The following ACOT9 variants were observed in gnomAD, a reference collection of about 807,000 sequenced individuals.
ACOT9 encodes the protein acyl-coenzyme A thioesterase 9, mitochondrial.
A neutral mutation model predicts 39.7 loss-of-function variants in ACOT9; 34 were observed. The observed-to-expected ratio is 0.86, with a 90% CI of 0.65 to 1.14. The LOEUF (loss-of-function observed/expected upper bound fraction) is 1.14, where lower values mean the gene tolerates loss of function less well. Among genes scored for constraint, ACOT9 ranks in the 50% most tolerant of loss-of-function variants. The probability of loss-of-function intolerance (pLI) is 0.00; values close to 1 mark genes in which losing one functional copy is unlikely to be tolerated. For missense variants in ACOT9, 313 were observed against 344.1 expected, an observed-to-expected ratio of 0.91 and a Z score of 0.71; for synonymous variants, 110 against 120.5, an observed-to-expected ratio of 0.91 and a Z score of 0.57.
intron 8 of ACOT9, among the ~76,000 whole-genome samples, chrX:23,720,411 G>C (rs1199813951): frequency 9.0e-6 from 1 of 111,523 alleles, no homozygotes; most frequent in Non-Finnish European, 1.9e-5. Context: ...AGTCGTTGCA[G>C]ACATAATTAG....
In ACOT9 at chrX:23,701,385, A is replaced by G. The variant is rs1185067901; in HGVS notation, c.*2509T>C. ...TGCTTGATTCCATGAGTCAAACTGC[A>G]TGCTTCCAAGAGATAGTTGTGTTCG... On this transcript the variant is annotated 3_prime_UTR_variant, in exon 16 of 16. Coordinates refer to ENST00000379303, the MANE Select transcript of ACOT9 (RefSeq NM_001037171.2). 8.9e-6 allele frequency among the ~76,000 whole-genome samples: 1 copy of G among 111,790 alleles called. No homozygotes were observed. Among genetic ancestry groups the G allele is most frequent in the East Asian group, 2.8e-4 (1 of 3,564 alleles).
intron 9 of ACOT9, among the ~76,000 whole-genome samples, chrX:23,712,639 G>A (rs145166258): frequency 0.038 from 4,166 of 110,871 alleles, 202 homozygotes; most frequent in African/African-American, 0.13. Context: ...TTGTTGTTTT[G>A]AGATGGAGTC....
At chrX:23,724,642 G>T (rs932590985) in intron 6 of ACOT9, among the ~76,000 whole-genome samples, 1 of 111,147 alleles carries the variant, frequency 9.0e-6, no homozygotes, top group Admixed American at 9.6e-5. Flanking sequence ...GCATGGTGGC[G>T]TGTGCCTGTG....
At chrX:23,714,586 G>A (rs1929014542) in intron 8 of ACOT9, among the ~76,000 whole-genome samples, 2 of 111,374 alleles carry the variant, frequency 1.8e-5, no homozygotes, top group African/African-American at 6.5e-5. Context: ...TACTCAACCT[G>A]TATTTACAAT....
intron 8 of ACOT9, among the ~76,000 whole-genome samples, chrX:23,717,239 C>T (rs1411064051): frequency 2.7e-5 from 3 of 110,776 alleles, no homozygotes; most frequent in East Asian, 5.7e-4. Flanking sequence ...ATCCACCTGC[C>T]TCGGCCTCCC....
intron 8 of ACOT9, among the ~76,000 whole-genome samples, chrX:23,715,280 G>A (rs1763383290): frequency 2.7e-5 from 3 of 111,454 alleles, no homozygotes; most frequent in African/African-American, 9.8e-5. Context: ...CAACTGAGAG[G>A]TCCTGGGATA....
chrX:23,733,542 AT>A (rs1929829142), intron 3 of ACOT9, among the ~76,000 whole-genome samples: 1 of 112,211 alleles, frequency 8.9e-6, no homozygotes, highest in Admixed American at 9.5e-5. Context: ...AGTAAGAGCC[AT>A]TATGATGGAG....
At position 23,713,153 on chromosome X, in the gene ACOT9, C is replaced by T; in HGVS notation, c.644G>A (p.Arg215His). 8.3e-7 allele frequency: 1 copy of T among 1,207,146 alleles called. No homozygotes were observed. The highest frequency in any genetic ancestry group is 1.1e-6 in the Non-Finnish European group (1 of 892,070). The change falls in exon 9 of 16, where the codon CGT (arginine) becomes CAT (histidine). Residue 215 changes from arginine (R) to histidine (H), a missense_variant. Transcript: ENST00000379303. ...CAATTACCCTTTATTTTCAGAATCA[C>T]GAGCCACCATTACAAATGTTGCATC... ...VLDATFVMVA[R>H]DSENKGPAFV...
At position 23,703,886 on chromosome X, in the gene ACOT9, T is replaced by C. The variant is rs777876069; in HGVS notation, c.*8A>G. 74 of 1,202,435 alleles carry C rather than the reference T, an allele frequency of 6.2e-5. No homozygotes were observed. The highest frequency in any genetic ancestry group is 8.1e-5 in the Non-Finnish European group (72 of 889,307). The stretch of plus-strand genomic sequence containing the variant: ...GTAGAGTGCTAGTTTTCAACAAATG[T>C]GGTGTTCTTAGGGCTCCACAAGGTA... On this transcript the variant is annotated 3_prime_UTR_variant, in exon 16 of 16. Coordinates refer to ENST00000379303, the MANE Select transcript of ACOT9 (RefSeq NM_001037171.2).
chrX:23,718,771 T>C (rs1227336360), intron 8 of ACOT9, among the ~76,000 whole-genome samples: 1 of 109,033 alleles, frequency 9.2e-6, no homozygotes, highest in Non-Finnish European at 1.9e-5. Flanking sequence ...CCGGGCATGG[T>C]GGTAGGCACC....
At chrX:23,729,801 T>A (rs1194955196) in intron 6 of ACOT9, among the ~76,000 whole-genome samples, 1 of 109,806 alleles carries the variant, frequency 9.1e-6, no homozygotes, top group Admixed American at 9.8e-5. Flanking sequence ...CTGGCTAATT[T>A]TTTGTATTTT....
chrX:23,708,227 C>T (rs1314701588), intron 9 of ACOT9, among the ~76,000 whole-genome samples: 1 of 112,667 alleles, frequency 8.9e-6, no homozygotes, highest in East Asian at 2.8e-4. Context: ...GTAGAACACT[C>T]TACAAGAAAA....
chrX:23,709,972 C>G (rs1033002260), intron 9 of ACOT9, among the ~76,000 whole-genome samples: 1 of 112,071 alleles, frequency 8.9e-6, no homozygotes, highest in Non-Finnish European at 1.9e-5. Flanking sequence ...ACTGCAACCT[C>G]TGCTTCCCGG....
chrX:23,731,232 T>C (rs1418686703), intron 4 of ACOT9, among the ~76,000 whole-genome samples: 1 of 112,084 alleles, frequency 8.9e-6, no homozygotes, highest in East Asian at 2.8e-4. Flanking sequence ...TCCCAGCATT[T>C]TGGGAGGCCA....
At position 23,703,734 on chromosome X, in the gene ACOT9, ACT is replaced by A. The variant is rs1305167157; in HGVS notation, c.*158_*159del. The A allele has an allele frequency of 4.8e-6, 2 of 413,352 alleles. No individual in the cohort carries two copies. The highest frequency in any genetic ancestry group is 4.5e-5 in the Admixed American group (1 of 22,423). The allele number at this position is 413,352 out of a possible 1,213,427, so 34.1% of individuals were successfully genotyped here. Reference sequence around the variant, plus strand: ...TTTCTCCCCTCAGCCCCATCCGGCCACTCTCTCTTTCTGCTTTTCTGATCATC... The same window carrying A: ...TTTCTCCCCTCAGCCCCATCCGGCCACTCTCTTTCTGCTTTTCTGATCATC... On this transcript the variant is annotated 3_prime_UTR_variant, in exon 16 of 16. Transcript: ENST00000379303.
At chrX:23,730,470 C>T (rs1929695938) in intron 6 of ACOT9, 57 bp downstream of exon 6, 3 of 923,334 alleles carry the variant, frequency 3.2e-6, no homozygotes, top group African/African-American at 3.9e-5. Flanking sequence ...TTTCCAGTCA[C>T]AGAATTCAAT....
chrX:23,720,137 A>C (rs1216007822), intron 8 of ACOT9, among the ~76,000 whole-genome samples: 1 of 113,051 alleles, frequency 8.8e-6, no homozygotes, highest in Non-Finnish European at 1.9e-5. Context: ...CCAGCCAGTC[A>C]TTCTTAAATA....
rs1331717045 is a variant in ACOT9, at chrX:23,703,260, T to C, written c.*634A>G. ...CATCCAAATACCCTGGCAGGAAACCTTGTATACTGACAGTTGCAATATGTG... is the reference window on the plus strand; with the variant it reads ...CATCCAAATACCCTGGCAGGAAACCCTGTATACTGACAGTTGCAATATGTG... On this transcript the variant is annotated 3_prime_UTR_variant, in exon 16 of 16. Coordinates refer to ENST00000379303, the MANE Select transcript of ACOT9 (RefSeq NM_001037171.2). 1.8e-5 allele frequency: 2 copies of C among 112,104 alleles called. No individual in the cohort carries two copies. Among genetic ancestry groups the C allele is most frequent in the African/African-American group, 6.5e-5 (2 of 30,803 alleles). 9.2% of individuals were successfully genotyped at this position (112,104 alleles called of 1,213,427 possible).
intron 7 of ACOT9, 93 bp from the exon 8 acceptor site, chrX:23,722,077 C>T: frequency 3.8e-6 from 2 of 520,377 alleles, no homozygotes; most frequent in Non-Finnish European, 5.9e-6. Context: ...AATTCCACTA[C>T]ATTTCTTTTT....
Sources: allele counts gnomAD v4.1 joint callset (sites outside exome capture counted in the v4.1 genomes callset), GRCh38; gene constraint gnomAD v4.1.1; transcripts MANE v1.5; gene names NCBI Gene and HGNC (gene_info 2026-07-23, HGNC 2026-07-21).